Variants in MYH4 observed in about 807,000 individuals in gnomAD.
The protein encoded by MYH4 is myosin heavy chain 4.
MYH4 carries 200 observed loss-of-function variants against 229.9 expected under a neutral mutation model. The ratio of observed to expected loss-of-function variants is 0.87; its 90% CI spans 0.78 to 0.98. MYH4 has a LOEUF of 0.98. Among genes scored for constraint, MYH4 ranks in the 50% least tolerant of loss-of-function variants. The probability of loss-of-function intolerance (pLI) is 0.00; values close to 1 mark genes in which losing one functional copy is unlikely to be tolerated. For synonymous variants in MYH4, 761 were observed against 834.6 expected, an observed-to-expected ratio of 0.91 and a Z score of 1.52; for missense variants, 2,148 against 2,332.6, an observed-to-expected ratio of 0.92 and a Z score of 1.63.
chr17:10,459,435 T>C lies in MYH4; in HGVS notation c.1417-14A>G. 1 of 1,614,184 alleles carries C rather than the reference T, an allele frequency of 6.2e-7. No individual in the cohort carries two copies. Among genetic ancestry groups the C allele is most frequent in the Non-Finnish European group, 8.5e-7 (1 of 1,180,008 alleles). On this transcript the variant is annotated splice_polypyrimidine_tract_variant and intron_variant, in intron 14 of 39. Coordinates refer to ENST00000255381, the MANE Select transcript of MYH4 (RefSeq NM_017533.2). Reference sequence around the variant, plus strand: ...CAGGCTGTTGAACTACAGAACAAGATAAATATAGGAAATTACGCATAACAA... The same window carrying C: ...CAGGCTGTTGAACTACAGAACAAGACAAATATAGGAAATTACGCATAACAA...
chr17:10,445,747 G>A (rs2072505217), intron 35 of MYH4, among the ~76,000 whole-genome samples: 1 of 152,048 alleles, frequency 6.6e-6, no homozygotes, highest in Non-Finnish European at 1.5e-5. Flanking sequence ...TTGTCTTGTT[G>A]GCTGGGCGCA....
intron 32 of MYH4, 48 bp from the exon 33 acceptor site, chr17:10,448,568 A>G (rs1567698960): frequency 1.9e-6 from 3 of 1,610,044 alleles, no homozygotes; most frequent in African/African-American, 2.7e-5. Flanking sequence ...AGAAAAATTG[A>G]AAAGATGTCT....
Position 10,459,363 on chromosome 17 carries a change from A to T in MYH4, c.1475T>A (p.Phe492Tyr). ...CTCCAGCACGAACATGTGGTGGTTG[A>T]AAAACTGTTGCAGTTTCTCGTTGGT... ...NFTNEKLQQF[F>Y]NHHMFVLEQE... The change falls in exon 15 of 40, where the codon TTC (phenylalanine) becomes TAC (tyrosine). Residue 492 changes from phenylalanine to tyrosine, a missense_variant. Coordinates refer to ENST00000255381, the MANE Select transcript of MYH4 (RefSeq NM_017533.2). The T allele has an allele frequency of 6.2e-7, 1 of 1,614,172 alleles. No homozygotes were observed. The highest frequency in any genetic ancestry group is 8.5e-7 in the Non-Finnish European group (1 of 1,180,030).
At chr17:10,463,423 T>C (rs1179102213) in intron 8 of MYH4, 22 bp from the exon 9 acceptor site, 86 of 1,605,162 alleles carry the variant, frequency 5.4e-5, no homozygotes, top group Non-Finnish European at 7.3e-5. Context: ...AAAGGAGGGA[T>C]TATTATACAC....
chr17:10,464,638 C>A, intron 6 of MYH4, 43 bp downstream of exon 6: 1 of 1,613,298 alleles, frequency 6.2e-7, no homozygotes, highest in Non-Finnish European at 8.5e-7. Flanking sequence ...GTAGTAGCCA[C>A]TACAATGATC....
In MYH4 at chr17:10,463,391, A is replaced by G. The variant is rs2072723104; in HGVS notation, c.752T>C (p.Ile251Thr). The G allele has an allele frequency of 6.2e-7, 1 of 1,612,796 alleles. No homozygotes were observed. Among genetic ancestry groups the G allele is most frequent in the Non-Finnish European group, 8.5e-7 (1 of 1,179,382 alleles). The change falls in exon 9 of 40, where the codon ATC becomes ACC. Residue 251 changes from isoleucine to threonine, a missense_variant. Ile to Thr is a moderately conservative substitution (Grantham distance 89). Transcript: ENST00000255381. ...GCCTGTGGCACCAAAATGGATCCTG[A>G]TGAATTTACCCTTAAAAAAGAAAAG... ...NDNSSRFGKF[I>T]RIHFGATGKL...
intron 24 of MYH4, 56 bp downstream of exon 24, chr17:10,453,096 C>T (rs1332447828): frequency 1.2e-6 from 2 of 1,608,970 alleles, no homozygotes; most frequent in Non-Finnish European, 1.7e-6. Context: ...GTGCTGGTTT[C>T]ATGTCACAAT....
chr17:10,447,295 A>G, intron 34 of MYH4, 79 bp from the exon 35 acceptor site: 1 of 1,250,192 alleles, frequency 8.0e-7, no homozygotes, highest in Non-Finnish European at 1.1e-6. Context: ...ACACTCTTTG[A>G]TCTTAATGAC....
rs545809821 is a variant in MYH4 at position 10,465,491 on chromosome 17, T to A, written c.456A>T (p.Pro152=). Residue 152 remains proline (P), a synonymous_variant, in exon 5 of 40, where the codon CCA becomes CCT. Transcript: ENST00000255381. The part of the protein sequence containing the change: ...AYRGKKRQEA[P]PHIFSISDNA... The stretch of plus-strand genomic sequence containing the variant: ...TGTCAGAGATGGAGAAGATATGGGG[T>A]GGGGCCTCCTGGCGCTTTTTGCCTC... 6.2e-7 allele frequency: 1 copy of A among 1,614,054 alleles called. No individual in the cohort carries two copies. Among genetic ancestry groups the A allele is most frequent in the Non-Finnish European group, 8.5e-7 (1 of 1,180,022 alleles).
At chr17:10,448,234 T>C in intron 33 of MYH4, 108 bp from the exon 34 acceptor site, 1 of 1,305,002 alleles carries the variant, frequency 7.7e-7, no homozygotes, top group East Asian at 2.5e-5. Flanking sequence ...CTATCATACG[T>C]CTTAATGTAG....
At position 10,448,688 on chromosome 17, in the gene MYH4, C is replaced by T. The variant is rs1227345629; in HGVS notation, c.4461G>A (p.Lys1487=). 6.2e-7 allele frequency: 1 copy of T among 1,614,132 alleles called. No individual in the cohort carries two copies. The highest frequency in any genetic ancestry group is 8.5e-7 in the Non-Finnish European group (1 of 1,180,020). Residue 1487 remains lysine (K), a synonymous_variant, in exon 32 of 40, where the codon AAG becomes AAA. Transcript: ENST00000255381. ...GGGATTCCTCGTAGGCATTCTTCAC[C>T]TTGAACAGCTCAGTGCTGAGAGAAC... is the stretch of plus-strand genomic sequence containing the variant. ...ESRSLSTELF[K]VKNAYEESLD...
In MYH4 at chr17:10,466,616, T is replaced by A; in HGVS notation, c.130A>T (p.Lys44Ter). 6.2e-7 allele frequency: 1 copy of A among 1,614,080 alleles called. No homozygotes were observed. Among genetic ancestry groups the A allele is most frequent in the Non-Finnish European group, 8.5e-7 (1 of 1,180,014 alleles). The change falls in exon 3 of 40, where the codon AAG (lysine) becomes TAG (stop). Residue 44 changes from lysine to a stop codon, truncating the protein, a stop_gained. Coordinates refer to ENST00000255381, the MANE Select transcript of MYH4 (RefSeq NM_017533.2). LOFTEE classifies it high-confidence loss of function. ...AKTSVFVVDP[K>*]ESYVKAIVQS... ...ACTATTGCTTTCACGTAGGACTCCT[T>A]AGGGTCCACCACAAAGACTGATGTC...
rs192960341 is a variant in MYH4 at position 10,445,839 on chromosome 17, T to C, written c.5170-477A>G. Among the ~76,000 whole-genome samples the C allele has an allele frequency of 3.5e-3, 529 of 151,994 alleles. 4 individuals carry two copies. The highest frequency in any genetic ancestry group is 0.012 in the African/African-American group (482 of 41,462). On this transcript the variant is annotated intron_variant, in intron 35 of 39. Transcript: ENST00000255381. The stretch of plus-strand genomic sequence containing the variant: ...GTCAGGAGATCGAGACCATCCTGGC[T>C]AACACGGTGAAACCCCGTCTCTACT...
At position 10,449,040 on chromosome 17, in the gene MYH4, G is replaced by C; in HGVS notation, c.4189C>G (p.Leu1397Val). ...TCTGCATCCTGCAGACGCTGGGCTA[G>C]CTTCTTCCTGAAAATTGGGTCAGTA... Reference protein sequence around the residue: ...TEELEEAKKKLAQRLQDAEEH... With the variant: ...TEELEEAKKKVAQRLQDAEEH... The change falls in exon 31 of 40, where the codon CTA (leucine) becomes GTA (valine). Residue 1397 changes from leucine (L) to valine (V), a missense_variant. Coordinates refer to ENST00000255381, the MANE Select transcript of MYH4 (RefSeq NM_017533.2). The C allele has an allele frequency of 1.2e-6, 2 of 1,613,910 alleles. No individual in the cohort carries two copies. Among genetic ancestry groups the C allele is most frequent in the Non-Finnish European group, 1.7e-6 (2 of 1,179,952 alleles).
intron 6 of MYH4, 35 bp from the exon 7 acceptor site, chr17:10,464,621 T>G (rs774903364): frequency 4.3e-6 from 7 of 1,613,532 alleles, no homozygotes; most frequent in South Asian, 3.3e-5. Flanking sequence ...GGTCAGAATC[T>G]AAGGTAGTAG....
rs2072616463 is a variant in MYH4, at chr17:10,454,604, A to G, written c.2642T>C (p.Met881Thr). ...ATTTTTCTCTTGCATTAGCGTCACC[A>G]TCTTTTCTTCTAGTTCTTTCCTTTT... ...EAKRKELEEK[M>T]VTLMQEKNDL... Residue 881 changes from methionine to threonine, a missense_variant, in exon 22 of 40, where the codon ATG becomes ACG. Coordinates refer to ENST00000255381, the MANE Select transcript of MYH4 (RefSeq NM_017533.2). 1 of 1,613,998 alleles carries G rather than the reference A, an allele frequency of 6.2e-7. No individual in the cohort carries two copies. The highest frequency in any genetic ancestry group is 1.1e-5 in the South Asian group (1 of 91,090).
rs551169093 is a variant in MYH4, at chr17:10,448,935, G to A, written c.4294C>T (p.Leu1432Phe). ...TTAGATCGTTCCACATCAATCATGA[G>A]GTCCTCTACTTCATTCTGTAGCCTC... ...KQRLQNEVED[L>F]MIDVERSNAA... Residue 1432 changes from leucine (L) to phenylalanine (F), a missense_variant, in exon 31 of 40, where the codon CTC becomes TTC. By Grantham distance (22) the Leu-to-Phe change is conservative. Transcript: ENST00000255381. 2 of 1,614,132 alleles carry A rather than the reference G, an allele frequency of 1.2e-6. No individual in the cohort carries two copies. Among genetic ancestry groups the A allele is most frequent in the Admixed American group, 1.7e-5 (1 of 60,016 alleles).
chr17:10,468,177 T>C (rs1393228006), intron 2 of MYH4, among the ~76,000 whole-genome samples: 3 of 152,220 alleles, frequency 2.0e-5, no homozygotes, highest in African/African-American at 4.8e-5. Flanking sequence ...TATATTACAT[T>C]ATATTTTGTT....
In MYH4 at chr17:10,452,112, G is replaced by C; in HGVS notation, c.3567C>G (p.His1189Gln). ...TCCGAAGAGCAGCTGCCGTGGCTTC[G>C]TGCTGCAGGGTGGACTCTTCCAGGT... The part of the protein sequence containing the change: ...RRDLEESTLQ[H>Q]EATAAALRKK... The change falls in exon 27 of 40, where the codon CAC (histidine) becomes CAG (glutamine). Residue 1189 changes from histidine (H) to glutamine (Q), a missense_variant. His to Gln is a conservative substitution (Grantham distance 24, BLOSUM62 0). Coordinates refer to ENST00000255381, the MANE Select transcript of MYH4 (RefSeq NM_017533.2). The C allele has an allele frequency of 1.2e-6, 2 of 1,614,022 alleles. No homozygotes were observed. The highest frequency in any genetic ancestry group is 1.7e-6 in the Non-Finnish European group (2 of 1,179,974).
Sources: allele counts gnomAD v4.1 joint callset (sites outside exome capture counted in the v4.1 genomes callset), GRCh38; gene constraint gnomAD v4.1.1; transcripts MANE v1.5; gene names NCBI Gene and HGNC (gene_info 2026-07-23, HGNC 2026-07-21).